The following AGBL4 variants were observed in gnomAD, a reference collection of about 807,000 sequenced individuals.
The protein encoded by AGBL4 is AGBL carboxypeptidase 4, also known as cytosolic carboxypeptidase 6.
AGBL4 carries 58 observed loss-of-function variants against 66.4 expected under a neutral mutation model. That is an observed-to-expected ratio of 0.87 (90% CI 0.71 to 1.09). The LOEUF is 1.09. Among genes scored for constraint, AGBL4 ranks in the 50% least tolerant of loss-of-function variants. The pLI, the probability that AGBL4 is intolerant of heterozygous loss-of-function variation, is 0.00. For missense variants in AGBL4, 579 were observed against 631.0 expected (o/e 0.92, Z 0.88); for synonymous variants, 234 against 222.9 (o/e 1.05, Z -0.44).
chr1:49,321,969 A>C (rs1010300380), intron 3 of AGBL4, among the ~76,000 whole-genome samples: 3 of 152,196 alleles, frequency 2.0e-5, no homozygotes, highest in African/African-American at 7.2e-5. Context: ...ATGGTGTACT[A>C]CAAAAATGGT....
chr1:49,399,457 G>T (rs551469816), intron 3 of AGBL4, among the ~76,000 whole-genome samples: 3 of 151,882 alleles, frequency 2.0e-5, no homozygotes, highest in Non-Finnish European at 4.4e-5. Flanking sequence ...TTACATTCTC[G>T]CCAAAAGTGT....
rs551519549 is a variant in AGBL4, at chr1:49,005,377, T to C, written c.594+40207A>G. ...TTAAATTGTGGGCTGTTAAATAACA[T>C]GGTGAAATCTCACACCATCCCTCTT... On this transcript the variant is annotated intron_variant, in intron 5 of 13. Transcript: ENST00000371839. Among the ~76,000 whole-genome samples, 11 of 152,286 alleles carry C rather than the reference T, an allele frequency of 7.2e-5. No homozygotes were observed. In the East Asian group the frequency reaches 1.2e-3, roughly 16 times the overall value.
At chr1:49,108,847 C>T (rs1488024724) in intron 4 of AGBL4, among the ~76,000 whole-genome samples, 1 of 152,034 alleles carries the variant, frequency 6.6e-6, no homozygotes, top group African/African-American at 2.4e-5. Context: ...TTGTTAAGGC[C>T]CTAAATCTGG....
chr1:49,472,414 C>T (rs1459770894), intron 3 of AGBL4, among the ~76,000 whole-genome samples: 1 of 151,904 alleles, frequency 6.6e-6, no homozygotes, highest in African/African-American at 2.4e-5. Flanking sequence ...CATCAAAATG[C>T]TTTATCGAGC....
intron 4 of AGBL4, among the ~76,000 whole-genome samples, chr1:49,239,645 A>G (rs1249653737): frequency 8.5e-5 from 13 of 152,112 alleles, no homozygotes; most frequent in Admixed American, 7.9e-4. Flanking sequence ...GAAAAAAACT[A>G]AAAAGGAAAA....
intron 3 of AGBL4, among the ~76,000 whole-genome samples, chr1:49,476,807 C>T (rs1343234819): frequency 6.6e-6 from 1 of 151,960 alleles, no homozygotes; most frequent in Admixed American, 6.6e-5. Flanking sequence ...ATTTCTGGAC[C>T]TGCCCTGGGC....
At chr1:49,141,502 C>A (rs1646117273) in intron 4 of AGBL4, among the ~76,000 whole-genome samples, 1 of 152,072 alleles carries the variant, frequency 6.6e-6, no homozygotes, top group East Asian at 1.9e-4. Context: ...TGAGGTGACA[C>A]CCTTGTAAAT....
At chr1:49,047,164 G>A (rs1486929895) in intron 4 of AGBL4, among the ~76,000 whole-genome samples, 1 of 152,110 alleles carries the variant, frequency 6.6e-6, no homozygotes, top group African/African-American at 2.4e-5. Flanking sequence ...AACAGCAGTG[G>A]TTACATGGCA....
intron 3 of AGBL4, among the ~76,000 whole-genome samples, chr1:49,391,879 T>C (rs776801396): frequency 1.3e-5 from 2 of 151,928 alleles, no homozygotes; most frequent in African/African-American, 2.4e-5. Context: ...GGGAAATGGG[T>C]GGATACTGGT....
chr1:49,647,647 C>T (rs1479198187), intron 3 of AGBL4, among the ~76,000 whole-genome samples: 1 of 152,020 alleles, frequency 6.6e-6, no homozygotes, highest in East Asian at 1.9e-4. Context: ...TAAAAATACT[C>T]CAGATCATTC....
chr1:49,554,217 G>A (rs1021628079), intron 3 of AGBL4, among the ~76,000 whole-genome samples: 8 of 152,050 alleles, frequency 5.3e-5, no homozygotes, highest in African/African-American at 1.7e-4. Flanking sequence ...CAAAGTCCAT[G>A]GTCTTTCTAA....
intron 4 of AGBL4, among the ~76,000 whole-genome samples, chr1:49,138,885 T>C (rs1646063831): frequency 6.6e-6 from 1 of 152,082 alleles, no homozygotes; most frequent in Non-Finnish European, 1.5e-5. Context: ...TGAGACTAGG[T>C]AATTTATGAA....
rs1448531007 is a variant in AGBL4, at chr1:49,366,810, T to C, written c.283-120946A>G. On this transcript the variant is annotated intron_variant, in intron 3 of 13. Transcript: ENST00000371839. Reference sequence around the variant, plus strand: ...TCAAATTTGCTAGATAATAGAGTCTTGCCAAAGTTTTCTAGACTTAGAAAG... The same window carrying C: ...TCAAATTTGCTAGATAATAGAGTCTCGCCAAAGTTTTCTAGACTTAGAAAG... Among the ~76,000 whole-genome samples, 3 of 152,264 alleles carry C rather than the reference T, an allele frequency of 2.0e-5. No individual in the cohort carries two copies. The East Asian group carries it at 5.8e-4, about 29-fold the overall frequency.
At chr1:49,638,335 T>C (rs1056690732) in intron 3 of AGBL4, among the ~76,000 whole-genome samples, 5 of 152,166 alleles carry the variant, frequency 3.3e-5, no homozygotes, top group African/African-American at 1.2e-4. Flanking sequence ...TTGATAGTGG[T>C]TCTGAGACAT....
At chr1:49,423,850 A>T (rs1645599010) in intron 3 of AGBL4, among the ~76,000 whole-genome samples, 1 of 150,920 alleles carries the variant, frequency 6.6e-6, no homozygotes, top group Admixed American at 6.6e-5. Flanking sequence ...ACTAACGTAA[A>T]TGGTTTCCAA....
Position 48,571,843 on chromosome 1 carries a change from G to T in AGBL4, c.1267+15161C>A, listed in dbSNP as rs76194975. ...TGGGAACAGAGACTCCTCTGGGCAT[G>T]CTGACAACCTCTGGTTGTCCCTTAA... On this transcript the variant is annotated intron_variant, in intron 11 of 13. Transcript: ENST00000371839. 1.7e-4 allele frequency among the ~76,000 whole-genome samples: 26 copies of T among 152,264 alleles called. 2 individuals carry two copies. The East Asian group carries it at 5.0e-3, about 29-fold the overall frequency.
chr1:48,880,842 ATGT>A (rs1649711557), intron 5 of AGBL4, among the ~76,000 whole-genome samples: 1 of 152,172 alleles, frequency 6.6e-6, no homozygotes, highest in Admixed American at 6.5e-5. Context: ...CATTAATATG[ATGT>A]TGTGACTTGG....
chr1:48,552,394 A>G (rs899102099), intron 11 of AGBL4, among the ~76,000 whole-genome samples: 3 of 152,202 alleles, frequency 2.0e-5, no homozygotes, highest in Admixed American at 6.5e-5. Context: ...TGATTCATTC[A>G]ACAGATAAGT....
At chr1:49,336,028 T>C (rs1645431234) in intron 3 of AGBL4, among the ~76,000 whole-genome samples, 1 of 151,994 alleles carries the variant, frequency 6.6e-6, no homozygotes, top group Admixed American at 6.6e-5. Flanking sequence ...ACAATATTTA[T>C]TTATTATAAG....
Sources: gnomAD v4.1 joint callset for allele counts (sites outside exome capture counted in the v4.1 genomes callset) on GRCh38, gnomAD v4.1.1 for gene constraint, MANE v1.5 for transcripts, NCBI Gene and HGNC (gene_info 2026-07-23, HGNC 2026-07-21) for gene names.